The following NAT8 variants were observed in gnomAD, a reference collection of about 807,000 sequenced individuals.
NAT8 encodes the protein N-acetyltransferase 8 (putative), also known as N-acetyltransferase 8.
For missense variants in NAT8, 357 were observed against 287.1 expected (o/e 1.24, Z -1.76); for synonymous variants, 131 against 115.4 (o/e 1.14, Z -0.87).
At chr2:73,642,297 C>T (rs533450509) in intron 1 of NAT8, 21 bp downstream of exon 1, 1 of 152,166 alleles carries the variant, frequency 6.6e-6, no homozygotes, top group South Asian at 2.1e-4. Context: ...AGAGCACTGT[C>T]CTTCCACCCA....
Sources: allele counts gnomAD v4.1 joint callset, GRCh38; gene constraint gnomAD v4.1.1; transcripts MANE v1.5; gene names NCBI Gene and HGNC (gene_info 2026-07-23, HGNC 2026-07-21).